Variants in CDH20 observed in about 807,000 individuals in gnomAD.
The protein encoded by CDH20 is cadherin-20.
CDH20 carries 29 observed loss-of-function variants against 74.2 expected under a neutral mutation model. The observed-to-expected ratio is 0.39, with a 90% CI of 0.29 to 0.53. The LOEUF is 0.53. Among genes scored for constraint, CDH20 ranks in the 20% least tolerant of loss-of-function variants. CDH20 has a pLI of 0.69. For missense variants in CDH20, 988 were observed against 1,048.3 expected (o/e 0.94, Z 0.79); for synonymous variants, 469 against 405.4 (o/e 1.16, Z -1.88).
At chr18:61,449,080 A>C (rs1320269129) in intron 1 of CDH20, among the ~76,000 whole-genome samples, 1 of 152,214 alleles carries the variant, frequency 6.6e-6, no homozygotes, top group Non-Finnish European at 1.5e-5. Flanking sequence ...AAAGTTAAGA[A>C]GACCATATTC....
chr18:61,405,085 C>A, intron 1 of CDH20: 1 of 663,456 alleles, frequency 1.5e-6, no homozygotes, highest in Non-Finnish European at 2.8e-6. Context: ...TTTGCTTTGC[C>A]TTGTCTGATC....
At chr18:61,513,628 C>T (rs1213299902) in intron 6 of CDH20, among the ~76,000 whole-genome samples, 13 of 151,992 alleles carry the variant, frequency 8.6e-5, no homozygotes, top group Non-Finnish European at 1.5e-4. Flanking sequence ...GATTTTGCAG[C>T]GGCTGGTACT....
At chr18:61,551,312 TATTC>T (rs1222661776) in intron 11 of CDH20, among the ~76,000 whole-genome samples, 1 of 152,190 alleles carries the variant, frequency 6.6e-6, no homozygotes, top group Non-Finnish European at 1.5e-5. Context: ...ATACTAGTAT[TATTC>T]AATACAAAAG....
intron 1 of CDH20, among the ~76,000 whole-genome samples, chr18:61,399,849 T>A (rs1206138181): frequency 3.3e-5 from 5 of 152,240 alleles, no homozygotes; most frequent in Admixed American, 2.6e-4. Context: ...GACTCATGTA[T>A]AATGAAATGA....
At chr18:61,359,723 A>G (rs1910625657) in intron 1 of CDH20, among the ~76,000 whole-genome samples, 1 of 152,248 alleles carries the variant, frequency 6.6e-6, no homozygotes, top group Non-Finnish European at 1.5e-5. Context: ...TGAGTTTAAC[A>G]TGTTTGGAAA....
intron 1 of CDH20, among the ~76,000 whole-genome samples, chr18:61,460,360 T>C (rs1338729870): frequency 6.6e-6 from 1 of 152,190 alleles, no homozygotes; most frequent in African/African-American, 2.4e-5. Context: ...CTTCCTGGCA[T>C]TGAATTCAAA....
intron 1 of CDH20, among the ~76,000 whole-genome samples, chr18:61,385,699 A>G (rs1911572831): frequency 6.6e-6 from 1 of 152,082 alleles, no homozygotes. Context: ...TTGGGAGGTC[A>G]AGGTGGGCAG....
intron 9 of CDH20, among the ~76,000 whole-genome samples, chr18:61,540,902 G>A (rs1025758292): frequency 2.0e-4 from 30 of 152,178 alleles, no homozygotes; most frequent in Non-Finnish European, 3.5e-4. Flanking sequence ...GTTCCATCAC[G>A]ATTCTGATCT....
At chr18:61,430,640 T>C (rs1396183412) in intron 1 of CDH20, among the ~76,000 whole-genome samples, 1 of 152,204 alleles carries the variant, frequency 6.6e-6, no homozygotes, top group Non-Finnish European at 1.5e-5. Flanking sequence ...TAATTAATAA[T>C]TTTTTTCAGT....
chr18:61,425,471 G>A (rs1292348157), intron 1 of CDH20, among the ~76,000 whole-genome samples: 1 of 152,184 alleles, frequency 6.6e-6, no homozygotes, highest in African/African-American at 2.4e-5. Flanking sequence ...TCAGACGGTG[G>A]TACCAAGGTA....
chr18:61,468,248 C>T (rs1340016857), intron 1 of CDH20, among the ~76,000 whole-genome samples: 3 of 152,208 alleles, frequency 2.0e-5, no homozygotes, highest in African/African-American at 7.2e-5. Flanking sequence ...TTGCCTTTCA[C>T]TGCATGTGTG....
chr18:61,500,242 A>C (rs1378038718), intron 3 of CDH20, 141 bp from the exon 4 acceptor site: 9 of 721,426 alleles, frequency 1.2e-5, no homozygotes, highest in Middle Eastern at 3.2e-4. Flanking sequence ...ACAAGATAAG[A>C]GTTATGGAAG....
At chr18:61,455,328 GTAGTT>G (rs932793233) in intron 1 of CDH20, among the ~76,000 whole-genome samples, 1 of 152,158 alleles carries the variant, frequency 6.6e-6, no homozygotes, top group African/African-American at 2.4e-5. Flanking sequence ...AATAAAGTCT[GTAGTT>G]TAGTTAATTA....
chr18:61,460,406 T>C (rs1195499677), intron 1 of CDH20, among the ~76,000 whole-genome samples: 1 of 152,054 alleles, frequency 6.6e-6, no homozygotes, highest in Non-Finnish European at 1.5e-5. Flanking sequence ...CTTAGGCAAA[T>C]GACAAAAAAG....
At chr18:61,511,013 G>C (rs182857222) in intron 6 of CDH20, among the ~76,000 whole-genome samples, 443 of 141,006 alleles carry the variant, frequency 3.1e-3, no homozygotes, top group South Asian at 8.4e-3. Flanking sequence ...TTTGAACAGA[G>C]TCTCACTCTG....
intron 1 of CDH20, among the ~76,000 whole-genome samples, chr18:61,435,313 C>T (rs955001765): frequency 1.4e-4 from 21 of 152,188 alleles, no homozygotes; most frequent in African/African-American, 4.8e-4. Flanking sequence ...CAGGCAAAAT[C>T]GTGATGTAGG....
At chr18:61,339,985 C>A (rs895682615) in intron 1 of CDH20, among the ~76,000 whole-genome samples, 1 of 152,046 alleles carries the variant, frequency 6.6e-6, no homozygotes, top group Non-Finnish European at 1.5e-5. Context: ...CCACTGAGCC[C>A]GGCCAGGTCA....
chr18:61,542,690 T>C (rs1413551884), intron 9 of CDH20, among the ~76,000 whole-genome samples: 1 of 152,156 alleles, frequency 6.6e-6, no homozygotes, highest in Admixed American at 6.5e-5. Flanking sequence ...AAGAGGTTCA[T>C]TTGGCTCATG....
At chr18:61,536,674 G>A in intron 8 of CDH20, 45 bp downstream of exon 8, 3 of 1,558,962 alleles carry the variant, frequency 1.9e-6, no homozygotes, top group Non-Finnish European at 2.6e-6. Flanking sequence ...ACAAAATATA[G>A]GTGTTATAGA....
Sources: gnomAD v4.1 joint callset for allele counts (sites outside exome capture counted in the v4.1 genomes callset) on GRCh38, gnomAD v4.1.1 for gene constraint, MANE v1.5 for transcripts, NCBI Gene and HGNC (gene_info 2026-07-23, HGNC 2026-07-21) for gene names.